The following EPM2A variants were observed in gnomAD, a reference collection of about 807,000 sequenced individuals.
The protein encoded by EPM2A is EPM2A glucan phosphatase, laforin, also known as laforin.
EPM2A carries 21 observed loss-of-function variants against 26.5 expected under a neutral mutation model. That is an observed-to-expected ratio of 0.79 (90% CI 0.56 to 1.14). The LOEUF (loss-of-function observed/expected upper bound fraction) is 1.14, where lower values mean the gene tolerates loss of function less well. Ranked by LOEUF, EPM2A falls within the 50% of genes most tolerant of loss-of-function variation. The pLI is 0.00. For synonymous variants in EPM2A, 217 were observed against 177.6 expected (o/e 1.22, Z -1.76); for missense variants, 458 against 440.8 (o/e 1.04, Z -0.35).
At chr6:145,641,100 T>C (rs1180348080) in intron 2 of EPM2A, 1 of 152,198 alleles carries the variant, frequency 6.6e-6, no homozygotes, top group African/African-American at 2.4e-5. Context: ...GCAAATAATT[T>C]TTGACAAAAT....
At chr6:145,418,909 C>A (rs569053926) in intron 4 of EPM2A, among the ~76,000 whole-genome samples, 1 of 152,072 alleles carries the variant, frequency 6.6e-6, no homozygotes, top group South Asian at 2.1e-4. Flanking sequence ...TTTTAAATTA[C>A]GTTTACCAAA....
chr6:145,697,652 CTT>C (rs1438500423), intron 1 of EPM2A, among the ~76,000 whole-genome samples: 1 of 152,146 alleles, frequency 6.6e-6, no homozygotes, highest in African/African-American at 2.4e-5. Context: ...GACGCATTCT[CTT>C]TCTCAGGGGT....
At chr6:145,413,781 C>T (rs561480635) in intron 4 of EPM2A, among the ~76,000 whole-genome samples, 1 of 152,144 alleles carries the variant, frequency 6.6e-6, no homozygotes, top group African/African-American at 2.4e-5. Flanking sequence ...TGACAAATAG[C>T]TTATTTTCAC....
intron 2 of EPM2A, among the ~76,000 whole-genome samples, chr6:145,669,792 A>G (rs1779514182): frequency 3.9e-5 from 6 of 152,238 alleles, no homozygotes; most frequent in Admixed American, 3.9e-4. Context: ...GGCCACTGTC[A>G]TATTGGAATT....
At chr6:145,615,114 CA>C (rs1367365792) in intron 2 of EPM2A, among the ~76,000 whole-genome samples, 2 of 152,164 alleles carry the variant, frequency 1.3e-5, no homozygotes, top group Non-Finnish European at 1.5e-5. Context: ...ATGCAATTTT[CA>C]GCAAGCATGA....
chr6:145,577,627 G>T (rs11963928), intron 2 of EPM2A, among the ~76,000 whole-genome samples: 4,415 of 151,132 alleles, frequency 0.029, 234 homozygotes, highest in African/African-American at 0.1. Context: ...TTCACTTTTG[G>T]CTTTGGACAG....
intron 3 of EPM2A, 55 bp from the exon 4 acceptor site, chr6:145,627,748 C>T (rs971338851): frequency 2.5e-5 from 40 of 1,594,378 alleles, no homozygotes; most frequent in South Asian, 1.6e-4. Context: ...CAGATACCGC[C>T]GCTGAGGTCT....
intron 4 of EPM2A, among the ~76,000 whole-genome samples, chr6:145,410,468 A>G (rs762320607): frequency 2.0e-5 from 3 of 152,220 alleles, no homozygotes; most frequent in Non-Finnish European, 4.4e-5. Context: ...TGAAATTAAT[A>G]CTGTAAGACA....
chr6:145,471,044 T>G (rs539292567), intron 4 of EPM2A, among the ~76,000 whole-genome samples: 6 of 152,166 alleles, frequency 3.9e-5, no homozygotes, highest in Non-Finnish European at 7.4e-5. Context: ...TGATAAAAGT[T>G]CATTTTGTGG....
At chr6:145,391,065 C>A (rs1409834717) in intron 4 of EPM2A, among the ~76,000 whole-genome samples, 4 of 152,030 alleles carry the variant, frequency 2.6e-5, no homozygotes, top group African/African-American at 9.7e-5. Flanking sequence ...TCCTAAGTCC[C>A]CCAGTGGACT....
intron 2 of EPM2A, among the ~76,000 whole-genome samples, chr6:145,568,278 G>A (rs1438839294): frequency 6.6e-6 from 1 of 151,552 alleles, no homozygotes; most frequent in Non-Finnish European, 1.5e-5. Context: ...ATTTATTCAT[G>A]TCCTGTAAAT....
In EPM2A at chr6:145,635,331, G is replaced by A. The variant is rs148475381; in HGVS notation, c.632C>T (p.Pro211Leu). 20 of 1,613,916 alleles carry A rather than the reference G, an allele frequency of 1.2e-5. No individual in the cohort carries two copies. Among genetic ancestry groups the A allele is most frequent in the African/African-American group, 2.7e-5 (2 of 74,890 alleles). ...TTTAATCATAGTGTCTGGAGTCATG[G>A]GCTCTGGGTAGCGGTTACAGCCTGA... The part of the protein sequence containing the change: ...NSSGCNRYPE[P>L]MTPDTMIKLY... Residue 211 changes from proline to leucine, a missense_variant, in exon 3 of 4, where the codon CCC (proline) becomes CTC (leucine). Coordinates refer to ENST00000367519, the MANE Select transcript of EPM2A (RefSeq NM_005670.4).
intron 1 of EPM2A, among the ~76,000 whole-genome samples, chr6:145,705,254 G>A (rs1297826280): frequency 2.0e-5 from 3 of 152,158 alleles, no homozygotes; most frequent in Admixed American, 2.0e-4. Flanking sequence ...TTCAAGACCA[G>A]CCTGGGCAAC....
chr6:145,511,647 T>C (rs897692367), intron 2 of EPM2A, among the ~76,000 whole-genome samples: 1 of 152,142 alleles, frequency 6.6e-6, no homozygotes, highest in Non-Finnish European at 1.5e-5. Context: ...AACATAATAC[T>C]GAATGGGGAA....
intron 4 of EPM2A, among the ~76,000 whole-genome samples, chr6:145,466,113 G>A (rs1266308381): frequency 6.6e-6 from 1 of 151,626 alleles, no homozygotes; most frequent in African/African-American, 2.4e-5. Context: ...AAAAGCAATG[G>A]CAACAAAAGC....
chr6:145,730,775 A>G (rs565900236), intron 1 of EPM2A, among the ~76,000 whole-genome samples: 2 of 152,352 alleles, frequency 1.3e-5, no homozygotes, highest in Admixed American at 1.3e-4. Context: ...AATAAGTGAT[A>G]TAAGAAAAAG....
intron 2 of EPM2A, among the ~76,000 whole-genome samples, chr6:145,506,815 C>G (rs1168827442): frequency 1.3e-5 from 2 of 152,162 alleles, no homozygotes; most frequent in Admixed American, 6.5e-5. Flanking sequence ...CACTGACCAG[C>G]CTATTTCTGA....
rs754937673 is a variant in EPM2A, at chr6:145,626,849, T to G, written c.*567A>C. Reference sequence around the variant, plus strand: ...GTTGTTGGGTAGAGAAGGAAGGTGATGCCTTGGAACAGACTTTAACAACTG... The same window carrying G: ...GTTGTTGGGTAGAGAAGGAAGGTGAGGCCTTGGAACAGACTTTAACAACTG... On this transcript the variant is annotated 3_prime_UTR_variant, in exon 4 of 4. Transcript: ENST00000367519. 4.0e-6 allele frequency: 4 copies of G among 988,732 alleles called. 1 individual carries two copies. Among genetic ancestry groups the G allele is most frequent in the Non-Finnish European group, 4.8e-6 (4 of 831,926 alleles). The allele number at this position is 988,732 out of a possible 1,614,324, so 61.2% of individuals were successfully genotyped here.
intron 2 of EPM2A, among the ~76,000 whole-genome samples, chr6:145,603,229 T>G (rs1781439206): frequency 6.6e-6 from 1 of 152,008 alleles, no homozygotes; most frequent in Non-Finnish European, 1.5e-5. Flanking sequence ...ATGAAATTCT[T>G]TTTTCTGCAC....
Sources: allele counts gnomAD v4.1 joint callset (sites outside exome capture counted in the v4.1 genomes callset), GRCh38; gene constraint gnomAD v4.1.1; transcripts MANE v1.5; gene names NCBI Gene and HGNC (gene_info 2026-07-23, HGNC 2026-07-21).